The following CUL7 variants were observed in gnomAD, a reference collection of about 807,000 sequenced individuals.
CUL7 encodes the protein cullin-7.
CUL7 carries 96 observed loss-of-function variants against 177.7 expected under a neutral mutation model. The observed-to-expected ratio is 0.54, with a 90% CI of 0.46 to 0.64. The LOEUF (loss-of-function observed/expected upper bound fraction) is 0.64, where lower values mean the gene tolerates loss of function less well. Among genes scored for constraint, CUL7 ranks in the 30% least tolerant of loss-of-function variants. The pLI is 0.00. For synonymous variants in CUL7, 824 were observed against 890.2 expected (o/e 0.93, Z 1.32); for missense variants, 1,893 against 2,187.9 (o/e 0.87, Z 2.69).
chr6:43,046,773 A>G, intron 10 of CUL7, 107 bp downstream of exon 10: 1 of 1,234,970 alleles, frequency 8.1e-7, no homozygotes, highest in Non-Finnish European at 1.2e-6. Context: ...CAGGGTCACT[A>G]GAGTCACCTG....
intron 9 of CUL7, among the ~76,000 whole-genome samples, 183 bp from the exon 10 acceptor site, chr6:43,047,290 A>G (rs1764004406): frequency 6.6e-6 from 1 of 152,172 alleles, no homozygotes; most frequent in African/African-American, 2.4e-5. Context: ...TGGTTAGAGA[A>G]CCAAAGACAA....
At chr6:43,048,844 T>C (rs1272911101) in intron 7 of CUL7, among the ~76,000 whole-genome samples, 7 of 151,852 alleles carry the variant, frequency 4.6e-5, no homozygotes, top group African/African-American at 1.5e-4. Context: ...CTCGGCTCAC[T>C]GCAACCTCCG....
intron 16 of CUL7, 112 bp downstream of exon 16, chr6:43,044,640 G>T: frequency 1.4e-6 from 2 of 1,435,474 alleles, no homozygotes; most frequent in Non-Finnish European, 1.9e-6. Flanking sequence ...ACAAATGCAG[G>T]TGCCAAAAGG....
In CUL7 at chr6:43,038,002, C is replaced by A. The variant is rs1490474611; in HGVS notation, c.4783G>T (p.Ala1595Ser). ...GGAGGACACGGGCCCTTCTGCCAAGCCTCCAGCACCTGGTGTGGGGGAGGA... is the reference window on the plus strand; with the variant it reads ...GGAGGACACGGGCCCTTCTGCCAAGACTCCAGCACCTGGTGTGGGGGAGGA... ...IDQLVCLVLE[A>S]WQKGPCPPRG... is the part of the protein sequence containing the mutation. The change falls in exon 26 of 26, where the codon GCT (alanine) becomes TCT (serine). Residue 1595 changes from alanine to serine, a missense_variant. By Grantham distance (99) the Ala-to-Ser change is moderately conservative. Around this residue, in one of 5 missense-constraint regions of CUL7, gnomAD observed 248 missense variants for 262.5 expected, o/e 0.94. Coordinates refer to ENST00000265348, the MANE Select transcript of CUL7 (RefSeq NM_014780.5). 2 of 1,591,574 alleles carry A rather than the reference C, an allele frequency of 1.3e-6. No homozygotes were observed. Among genetic ancestry groups the A allele is most frequent in the South Asian group, 2.3e-5 (2 of 87,312 alleles).
At chr6:43,042,035 G>A (rs1763471262) in intron 19 of CUL7, among the ~76,000 whole-genome samples, 1 of 137,904 alleles carries the variant, frequency 7.3e-6, no homozygotes. Flanking sequence ...GAAGAAGAAA[G>A]AAAGAGAGAA....
rs1198929228 is a variant in CUL7, at chr6:43,052,094, A to G, written c.580+115T>C. 1 of 1,536,686 alleles carries G rather than the reference A, an allele frequency of 6.5e-7. No homozygotes were observed. Among genetic ancestry groups the G allele is most frequent in the East Asian group, 2.4e-5 (1 of 40,934 alleles). ...TTTCTTCCAACTCTAAGAGAAGGGCAACAGAATCATTTACGTACTGATGAG... is the reference window on the plus strand; with the variant it reads ...TTTCTTCCAACTCTAAGAGAAGGGCGACAGAATCATTTACGTACTGATGAG... On this transcript the variant is annotated intron_variant, in intron 2 of 25. Transcript: ENST00000265348. The surrounding 1 kb of genome is among the most constrained non-coding windows in gnomAD (Gnocchi z 4.5).
chr6:43,046,669 C>G (rs1203926981), intron 10 of CUL7, 68 bp from the exon 11 acceptor site: 3 of 1,599,490 alleles, frequency 1.9e-6, no homozygotes, highest in Non-Finnish European at 1.7e-6. Context: ...CACGGAAACA[C>G]GGATGAAGGA....
At position 43,050,546 on chromosome 6, in the gene CUL7, GAATACA is replaced by G; in HGVS notation, c.1234-154_1234-149del. 1 of 567,312 alleles carries G rather than the reference GAATACA, an allele frequency of 1.8e-6. No homozygotes were observed. Among genetic ancestry groups the G allele is most frequent in the Middle Eastern group, 4.6e-4 (1 of 2,162 alleles). 35.1% of individuals were successfully genotyped at this position (567,312 alleles called of 1,614,324 possible). A position where few individuals can be genotyped will look rare whatever the true frequency, so the allele number is the denominator to read the frequency against. On this transcript the variant is annotated intron_variant, in intron 4 of 25. Coordinates refer to ENST00000265348, the MANE Select transcript of CUL7 (RefSeq NM_014780.5). The surrounding 1 kb of genome is among the most constrained non-coding windows in gnomAD (Gnocchi z 4.1). ...ACATAACAAAACAGCAGCATATGGAGAATACACACACACACACACACACACACACAC... is the reference window on the plus strand; with the variant it reads ...ACATAACAAAACAGCAGCATATGGAGCACACACACACACACACACACACAC...
At position 43,053,756 on chromosome 6, in the gene CUL7, G is replaced by A. The variant is rs1319639281; in HGVS notation, c.-143C>T. 14 of 1,501,746 alleles carry A rather than the reference G, an allele frequency of 9.3e-6. No individual in the cohort carries two copies. In the Admixed American group the frequency reaches 1.7e-4, roughly 18 times the overall value. The allele number at this position is 1,501,746 out of a possible 1,614,324, so 93.0% of individuals were successfully genotyped here. On this transcript the variant is annotated 5_prime_UTR_variant, in exon 1 of 26. Transcript: ENST00000265348. This position sits in a 1 kb window ranked among gnomAD's most constrained non-coding sequence, Gnocchi z 4.1. The stretch of plus-strand genomic sequence containing the variant: ...GAGACGGAGAGACGGGAGGGGGCGT[G>A]CCTCCGCGGAACAGAGCTGCACCCG...
In CUL7 at chr6:43,053,505, C is replaced by T. The variant is rs1581973445; in HGVS notation, c.-9+117G>A. 3.0e-6 allele frequency: 2 copies of T among 665,680 alleles called. No homozygotes were observed. Among genetic ancestry groups the T allele is most frequent in the South Asian group, 6.9e-5 (2 of 28,942 alleles). 41.2% of individuals were successfully genotyped at this position (665,680 alleles called of 1,614,324 possible). A position where few individuals can be genotyped will look rare whatever the true frequency, so the allele number is the denominator to read the frequency against. ...AGGTGGGGGAGAGGGGATTAGGCCC[C>T]ATAAGCTAGAACCCCGAGGCACGGT... On this transcript the variant is annotated intron_variant, in intron 1 of 25. Coordinates refer to ENST00000265348, the MANE Select transcript of CUL7 (RefSeq NM_014780.5). This position sits in a 1 kb window ranked among gnomAD's most constrained non-coding sequence, Gnocchi z 4.1.
chr6:43,040,761 G>C lies in CUL7; in HGVS notation c.3807-15C>G. 1 of 1,613,210 alleles carries C rather than the reference G, an allele frequency of 6.2e-7. No homozygotes were observed. Among genetic ancestry groups the C allele is most frequent in the Non-Finnish European group, 8.5e-7 (1 of 1,179,240 alleles). ...CCATGTAGTGCCTGCAGTGCATGCAGCCCGGGCCAAGCCTCAGTGTGGGCA... is the reference window on the plus strand; with the variant it reads ...CCATGTAGTGCCTGCAGTGCATGCACCCCGGGCCAAGCCTCAGTGTGGGCA... On this transcript the variant is annotated splice_polypyrimidine_tract_variant and intron_variant, in intron 20 of 25. Coordinates refer to ENST00000265348, the MANE Select transcript of CUL7 (RefSeq NM_014780.5). The surrounding 1 kb of genome is among the most constrained non-coding windows in gnomAD (Gnocchi z 4.2).
At chr6:43,049,269 G>T in intron 7 of CUL7, 138 bp downstream of exon 7, 1 of 1,105,464 alleles carries the variant, frequency 9.0e-7, no homozygotes, top group Non-Finnish European at 1.4e-6. Flanking sequence ...CTGCTTCTCC[G>T]TTTGTTGCTT....
chr6:43,043,512 A>G lies in CUL7; in HGVS notation c.3291T>C (p.Thr1097=). The change falls in exon 17 of 26, where the codon ACT becomes ACC. Residue 1097 remains threonine (T), a synonymous_variant. Coordinates refer to ENST00000265348, the MANE Select transcript of CUL7 (RefSeq NM_014780.5). This position sits in a 1 kb window ranked among gnomAD's most constrained non-coding sequence, Gnocchi z 4.2. ...AGGGCTCGACATGCACCAGCAGGTG[A>G]GTGAGACGGCGCACCCGCGAGAAGA... ...PAFFSRVRRL[T]HLLVHVEPCE... is the part of the protein sequence containing the mutation. The G allele has an allele frequency of 6.2e-7, 1 of 1,614,124 alleles. No homozygotes were observed. Among genetic ancestry groups the G allele is most frequent in the Non-Finnish European group, 8.5e-7 (1 of 1,179,966 alleles).
intron 9 of CUL7, 102 bp from the exon 10 acceptor site, chr6:43,047,209 T>C (rs1039626440): frequency 1.2e-5 from 9 of 756,670 alleles, no homozygotes; most frequent in African/African-American, 3.4e-5. Flanking sequence ...TACTGGGTGC[T>C]AGGGGTGCTA....
In CUL7 at chr6:43,046,671, G is replaced by C. The variant is rs754857903; in HGVS notation, c.2398-70C>G. 4 of 1,596,688 alleles carry C rather than the reference G, an allele frequency of 2.5e-6. No individual in the cohort carries two copies. In the African/African-American group the frequency reaches 5.4e-5, roughly 21 times the overall value. ...ACACGGAGACACACACGGAAACACG[G>C]ATGAAGGAGAGACCATGCAGCAGTG... On this transcript the variant is annotated intron_variant, in intron 10 of 25. Transcript: ENST00000265348.
intron 19 of CUL7, 99 bp downstream of exon 19, chr6:43,042,703 A>G: frequency 1.3e-6 from 1 of 795,718 alleles, no homozygotes; most frequent in South Asian, 1.4e-5. Context: ...ACATATGTTC[A>G]TCATAGAATG....
In CUL7 at chr6:43,050,322, A is replaced by G. The variant is rs763578991; in HGVS notation, c.1310T>C (p.Ile437Thr). Residue 437 changes from isoleucine to threonine, a missense_variant, in exon 5 of 26, where the codon ATT becomes ACT. Physicochemically the swap from Ile to Thr is moderately conservative, Grantham distance 89 (BLOSUM62 -1). This residue lies in a region of CUL7 where 653 missense variants were observed against 725.2 expected (regional missense o/e 0.90). Coordinates refer to ENST00000265348, the MANE Select transcript of CUL7 (RefSeq NM_014780.5). This position sits in a 1 kb window ranked among gnomAD's most constrained non-coding sequence, Gnocchi z 4.1. Reference sequence around the variant, plus strand: ...CTCATCAGCCTCAACCATGTCCTCAATGTCTTCCTCAAAGCCCAAGATCTC... The same window carrying G: ...CTCATCAGCCTCAACCATGTCCTCAGTGTCTTCCTCAAAGCCCAAGATCTC... ...MLEILGFEED[I>T]EDMVEADEYQ... is the part of the protein sequence containing the mutation. 5 of 1,613,986 alleles carry G rather than the reference A, an allele frequency of 3.1e-6. No individual in the cohort carries two copies. Among genetic ancestry groups the G allele is most frequent in the South Asian group, 1.1e-5 (1 of 91,090 alleles).
chr6:43,040,769 C>G lies in CUL7; in HGVS notation c.3807-23G>C. On this transcript the variant is annotated intron_variant, in intron 20 of 25. Coordinates refer to ENST00000265348, the MANE Select transcript of CUL7 (RefSeq NM_014780.5). The surrounding 1 kb of genome is among the most constrained non-coding windows in gnomAD (Gnocchi z 4.2). ...TGCCTGCAGTGCATGCAGCCCGGGC[C>G]AAGCCTCAGTGTGGGCACCAGTGTG... 6.2e-7 allele frequency: 1 copy of G among 1,613,162 alleles called. No individual in the cohort carries two copies. Among genetic ancestry groups the G allele is most frequent in the Non-Finnish European group, 8.5e-7 (1 of 1,179,208 alleles).
rs1164863391 is a variant in CUL7, at chr6:43,038,912, T to G, written c.4370A>C (p.Gln1457Pro). 1 of 1,614,126 alleles carries G rather than the reference T, an allele frequency of 6.2e-7. No individual in the cohort carries two copies. The highest frequency in any genetic ancestry group is 1.1e-5 in the South Asian group (1 of 91,080). The change falls in exon 23 of 26, where the codon CAG becomes CCG. Residue 1457 changes from glutamine to proline, a missense_variant. Physicochemically the swap from Gln to Pro is moderately conservative, Grantham distance 76. Transcript: ENST00000265348. The stretch of plus-strand genomic sequence containing the variant: ...CACATGCAGGGTCTGGTTCCCAAAC[T>G]GCAGCTCAGCCCAGCCCAGCCACGT... The part of the protein sequence containing the change: ...QWTWLGWAEL[Q>P]FGNQTLHVST...
Sources: gnomAD v4.1 joint callset for allele counts (sites outside exome capture counted in the v4.1 genomes callset) on GRCh38, gnomAD v4.1.1 for gene constraint, gnomAD v4.1.1 regional missense constraint, Gnocchi (gnomAD v3.1) non-coding constraint, MANE v1.5 for transcripts, NCBI Gene and HGNC (gene_info 2026-07-23, HGNC 2026-07-21) for gene names.